Variants in HROB observed in about 807,000 individuals in gnomAD.
HROB encodes homologous recombination factor with OB-fold, also known as homologous recombination OB-fold protein.
A neutral mutation model predicts 61.0 loss-of-function variants in HROB; 44 were observed. That is an observed-to-expected ratio of 0.72 (90% CI 0.57 to 0.93). The LOEUF (loss-of-function observed/expected upper bound fraction) is 0.93, where lower values mean the gene tolerates loss of function less well. HROB is among the 40% of genes least tolerant of loss of function. The pLI is 0.00. For synonymous variants in HROB, 301 were observed against 310.4 expected (o/e 0.97, Z 0.32); for missense variants, 716 against 796.2 (o/e 0.90, Z 1.21).
chr17:44,160,037 C>CT (rs2054088679), intron 9 of HROB, among the ~76,000 whole-genome samples: 1 of 152,234 alleles, frequency 6.6e-6, no homozygotes, highest in African/African-American at 2.4e-5. Context: ...TTCCCAGGCA[C>CT]TGGCGCTACC....
At chr17:44,159,763 G>A (rs2144119558) in intron 9 of HROB, among the ~76,000 whole-genome samples, 1 of 152,354 alleles carries the variant, frequency 6.6e-6, no homozygotes, top group South Asian at 2.1e-4. Context: ...ACTTATCAGA[G>A]AAATCAAAGA....
In HROB at chr17:44,148,824, C is replaced by G; in HGVS notation, c.1021C>G (p.Gln341Glu). ...TGGATTATTTCCTCGGATACCCTTA[C>G]AACCGCAAGCTCCAGTGTCTTCCAT... is the stretch of plus-strand genomic sequence containing the variant. ...SSGLFPRIPL[Q>E]PQAPVSSIGS... The change falls in exon 3 of 10, where the codon CAA (glutamine) becomes GAA (glutamate). Residue 341 changes from glutamine to glutamate, a missense_variant. By Grantham distance (29) the Gln-to-Glu change is conservative. Transcript: ENST00000585683. 1 of 1,614,250 alleles carries G rather than the reference C, an allele frequency of 6.2e-7. No homozygotes were observed. Among genetic ancestry groups the G allele is most frequent in the Non-Finnish European group, 8.5e-7 (1 of 1,180,042 alleles).
Position 44,151,274 on chromosome 17 carries a change from C to T in HROB, c.1308+230C>T, listed in dbSNP as rs1598096097. On this transcript the variant is annotated intron_variant, in intron 4 of 9. Transcript: ENST00000585683. ...TATCTGATGCCATGGGTCCAGCCTTCTTTCCCATCTAAGAAATAAAGGCCC... is the reference window on the plus strand; with the variant it reads ...TATCTGATGCCATGGGTCCAGCCTTTTTTCCCATCTAAGAAATAAAGGCCC... Among the ~76,000 whole-genome samples the T allele has an allele frequency of 2.0e-5, 3 of 152,176 alleles. No individual in the cohort carries two copies. The East Asian group carries it at 5.8e-4, about 29-fold the overall frequency.
rs2053680202 is a variant in HROB, at chr17:44,148,367, C to T, written c.564C>T (p.Ala188=). The change falls in exon 3 of 10, where the codon GCC becomes GCT. Residue 188 remains alanine, a synonymous_variant. Coordinates refer to ENST00000585683, the MANE Select transcript of HROB (RefSeq NM_001171251.3). ...GTGAGGCCATACCAATCCTGCCTGC[C>T]CAGCAGCGGGAGGGTTCAGTATTGG... ...VSSEAIPILP[A]QQREGSVLAK... is the part of the protein sequence containing the mutation. The T allele has an allele frequency of 6.2e-7, 1 of 1,614,068 alleles. No individual in the cohort carries two copies. Among genetic ancestry groups the T allele is most frequent in the Non-Finnish European group, 8.5e-7 (1 of 1,179,992 alleles).
rs568829325 is a variant in HROB at position 44,148,211 on chromosome 17, C to T, written c.408C>T (p.Pro136=). Residue 136 remains proline, a synonymous_variant, in exon 3 of 10, where the codon CCC becomes CCT. Transcript: ENST00000585683. ...TARPQSSALH[P]LLTFESQQQQ... is the part of the protein sequence containing the mutation. ...GACCTCAGTCCTCAGCCTTACACCC[C>T]CTACTCACCTTTGAGAGCCAACAGC... 1.9e-6 allele frequency: 3 copies of T among 1,614,186 alleles called. No homozygotes were observed. In the South Asian group the frequency reaches 3.3e-5, roughly 18 times the overall value.
Position 44,147,960 on chromosome 17 carries a change from G to A in HROB, c.157G>A (p.Val53Met), listed in dbSNP as rs200005578. 7.1e-5 allele frequency: 115 copies of A among 1,614,132 alleles called. No homozygotes were observed. The East Asian group carries it at 2.5e-3, about 35-fold the overall frequency. ...TGTCTCTTCTAGGCCACAGGAGACT[G>A]TGCAGGCACAGTCCTCCAGGCTGCT... ...RPVSSRPQET[V>M]QAQSSRLLLL... is the part of the protein sequence containing the mutation. The change falls in exon 3 of 10, where the codon GTG becomes ATG. Residue 53 changes from valine to methionine, a missense_variant. By Grantham distance (21) the Val-to-Met change is conservative (BLOSUM62 1). Transcript: ENST00000585683.
chr17:44,142,969 C>T (rs2053500004), intron 1 of HROB, among the ~76,000 whole-genome samples: 3 of 151,356 alleles, frequency 2.0e-5, no homozygotes, highest in South Asian at 4.2e-4. Context: ...CAGAGTCTCA[C>T]TCTGTGGCCC....
intron 9 of HROB, among the ~76,000 whole-genome samples, chr17:44,158,340 C>T (rs866541026): frequency 1.3e-5 from 2 of 152,138 alleles, no homozygotes; most frequent in Non-Finnish European, 1.5e-5. Flanking sequence ...GGAGTCAAGA[C>T]GTCCACTGGT....
intron 2 of HROB, among the ~76,000 whole-genome samples, chr17:44,146,270 A>C (rs1258668562): frequency 6.6e-6 from 1 of 152,104 alleles, no homozygotes; most frequent in Non-Finnish European, 1.5e-5. Flanking sequence ...GGCTGGTCTC[A>C]AATTCCTGGG....
At chr17:44,152,529 C>T in intron 4 of HROB, 108 bp from the exon 5 acceptor site, 1 of 1,315,722 alleles carries the variant, frequency 7.6e-7, no homozygotes, top group Non-Finnish European at 1.0e-6. Flanking sequence ...TACAGTTTTT[C>T]CGAGGGGATT....
chr17:44,145,955 A>G (rs1020227190), intron 2 of HROB, among the ~76,000 whole-genome samples: 1 of 152,172 alleles, frequency 6.6e-6, no homozygotes, highest in African/African-American at 2.4e-5. Flanking sequence ...TTTGCTGCAC[A>G]GATCATCCCA....
At chr17:44,146,314 T>C (rs1373275952) in intron 2 of HROB, among the ~76,000 whole-genome samples, 1 of 152,202 alleles carries the variant, frequency 6.6e-6, no homozygotes, top group East Asian at 1.9e-4. Flanking sequence ...CCTCCCAAAG[T>C]GCTGGGATTA....
At position 44,148,618 on chromosome 17, in the gene HROB, G is replaced by T; in HGVS notation, c.815G>T (p.Arg272Leu). The change falls in exon 3 of 10, where the codon CGC (arginine) becomes CTC (leucine). Residue 272 changes from arginine (R) to leucine (L), a missense_variant. Physicochemically the swap from Arg to Leu is moderately radical, Grantham distance 102 (BLOSUM62 -2). Transcript: ENST00000585683. ...QQLHWEVCPQRSPVQALQPLQ... is the reference protein window; with the variant it reads ...QQLHWEVCPQLSPVQALQPLQ... Reference sequence around the variant, plus strand: ...CTCCACTGGGAAGTCTGTCCGCAACGCTCCCCTGTTCAAGCACTTCAGCCT... The same window carrying T: ...CTCCACTGGGAAGTCTGTCCGCAACTCTCCCCTGTTCAAGCACTTCAGCCT... 1.2e-6 allele frequency: 2 copies of T among 1,613,390 alleles called. No individual in the cohort carries two copies. Among genetic ancestry groups the T allele is most frequent in the East Asian group, 4.5e-5 (2 of 44,880 alleles).
Position 44,162,348 on chromosome 17 carries a change from C to T in HROB, c.*416C>T, listed in dbSNP as rs141265579. ...TGCCCCTCCACACAGGGGAGAAGCA[C>T]GCTCAGGCTTCCTCTGCTTTGTCTC... On this transcript the variant is annotated 3_prime_UTR_variant, in exon 10 of 10. Coordinates refer to ENST00000585683, the MANE Select transcript of HROB (RefSeq NM_001171251.3). The T allele has an allele frequency of 8.0e-4, 146 of 183,356 alleles. No homozygotes were observed. The highest frequency in any genetic ancestry group is 3.0e-3 in the African/African-American group (127 of 42,338). 11.4% of individuals were successfully genotyped at this position (183,356 alleles called of 1,614,324 possible).
chr17:44,156,372 A>G (rs1401471304), intron 8 of HROB, among the ~76,000 whole-genome samples: 1 of 151,836 alleles, frequency 6.6e-6, no homozygotes, highest in Non-Finnish European at 1.5e-5. Flanking sequence ...AACAGCTGGG[A>G]CCATGCCCAA....
chr17:44,158,552 C>T (rs1282481577), intron 9 of HROB, among the ~76,000 whole-genome samples: 4 of 152,120 alleles, frequency 2.6e-5, no homozygotes, highest in Non-Finnish European at 4.4e-5. Flanking sequence ...GTTATGAACA[C>T]GCCTCACTGC....
In HROB at chr17:44,142,039, C is replaced by G. The variant is rs1598077143; in HGVS notation, c.-104C>G. 6.9e-7 allele frequency: 1 copy of G among 1,447,368 alleles called. No individual in the cohort carries two copies. Among genetic ancestry groups the G allele is most frequent in the Non-Finnish European group, 9.3e-7 (1 of 1,073,922 alleles). The allele number at this position is 1,447,368 out of a possible 1,614,324, so 89.7% of individuals were successfully genotyped here. A position where few individuals can be genotyped will look rare whatever the true frequency, so the allele number is the denominator to read the frequency against. Reference sequence around the variant, plus strand: ...TGACCCCAGCCCGGAAGCACTGTCCCTCGGAGTCCGAGACTTCCACCTGGG... The same window carrying G: ...TGACCCCAGCCCGGAAGCACTGTCCGTCGGAGTCCGAGACTTCCACCTGGG... On this transcript the variant is annotated 5_prime_UTR_variant, in exon 1 of 10. Coordinates refer to ENST00000585683, the MANE Select transcript of HROB (RefSeq NM_001171251.3).
At chr17:44,153,458 T>TA (rs964084503) in intron 5 of HROB, among the ~76,000 whole-genome samples, 13 of 151,512 alleles carry the variant, frequency 8.6e-5, no homozygotes, top group Admixed American at 2.6e-4. Flanking sequence ...TTGTCTCCTT[T>TA]AAAAAAAACC....
intron 2 of HROB, 145 bp from the exon 3 acceptor site, chr17:44,147,713 G>A (rs1191371935): frequency 3.7e-6 from 3 of 809,022 alleles, no homozygotes; most frequent in Non-Finnish European, 5.7e-6. Context: ...TGGGATTACA[G>A]GCATGAGCCA....
Sources: allele counts gnomAD v4.1 joint callset (sites outside exome capture counted in the v4.1 genomes callset), GRCh38; gene constraint gnomAD v4.1.1; transcripts MANE v1.5; gene names NCBI Gene and HGNC (gene_info 2026-07-23, HGNC 2026-07-21).